MINDY4: variants seen among roughly 807,000 people sequenced by gnomAD.
MINDY4 encodes probable ubiquitin carboxyl-terminal hydrolase MINDY-4.
Under a neutral mutation model 87.0 loss-of-function variants are expected in MINDY4, and 68 were observed. That is an observed-to-expected ratio of 0.78 (90% CI 0.64 to 0.96). MINDY4 has a LOEUF of 0.96. Ranked by LOEUF, MINDY4 falls within the 40% of genes least tolerant of loss-of-function variation. The pLI, the probability that MINDY4 is intolerant of heterozygous loss-of-function variation, is 0.00. For missense variants in MINDY4, 919 were observed against 928.2 expected, an observed-to-expected ratio of 0.99 and a Z score of 0.13; for synonymous variants, 379 against 363.2, an observed-to-expected ratio of 1.04 and a Z score of -0.50.
At position 30,836,370 on chromosome 7, in the gene MINDY4, G is replaced by T. The variant is rs145176048; in HGVS notation, c.1133-288G>T. On this transcript the variant is annotated intron_variant, in intron 6 of 17. Transcript: ENST00000265299. ...CACTTGTTCCACTCTATGTCCATGC[G>T]TGGAACTTTCTAGTGGACCAGTAGC... 5.9e-5 allele frequency among the ~76,000 whole-genome samples: 9 copies of T among 152,290 alleles called. No homozygotes were observed. In the East Asian group the frequency reaches 1.4e-3, roughly 23 times the overall value.
At chr7:30,776,405 A>G (rs978602298) in intron 1 of MINDY4, among the ~76,000 whole-genome samples, 26 of 152,138 alleles carry the variant, frequency 1.7e-4, no homozygotes, top group African/African-American at 6.3e-4. Flanking sequence ...CTCATCAATC[A>G]ATGATGCCTT....
chr7:30,846,605 T>C (rs1789226352), intron 9 of MINDY4, among the ~76,000 whole-genome samples: 1 of 152,084 alleles, frequency 6.6e-6, no homozygotes, highest in Non-Finnish European at 1.5e-5. Flanking sequence ...GCCTGGGTGA[T>C]TCAGACGCAG....
intron 5 of MINDY4, among the ~76,000 whole-genome samples, chr7:30,802,725 G>A (rs997297997): frequency 6.6e-6 from 1 of 152,140 alleles, no homozygotes; most frequent in Non-Finnish European, 1.5e-5. Context: ...AATTTACTCA[G>A]TAATTTTTTT....
chr7:30,813,016 C>T lies in MINDY4; in HGVS notation c.1074-15663C>T, dbSNP rs73300094. 7.3e-3 allele frequency among the ~76,000 whole-genome samples: 1,114 copies of T among 152,320 alleles called. 15 individuals are homozygous for T. Among genetic ancestry groups the T allele is most frequent in the African/African-American group, 0.025 (1,053 of 41,558 alleles). On this transcript the variant is annotated intron_variant, in intron 5 of 17. Transcript: ENST00000265299. The stretch of plus-strand genomic sequence containing the variant: ...TGGGCCATTTCTCGCCCACACCATC[C>T]AGAAGGGGTTGCTGTCTGTAGGTAC...
chr7:30,774,762 C>T (rs184554810), intron 1 of MINDY4, among the ~76,000 whole-genome samples: 2 of 152,016 alleles, frequency 1.3e-5, no homozygotes, highest in Admixed American at 1.3e-4. Context: ...TCCTCCTACT[C>T]CTCTGGGTGC....
intron 6 of MINDY4, 62 bp from the exon 7 acceptor site, chr7:30,836,596 C>T (rs1788864893): frequency 3.0e-6 from 4 of 1,338,760 alleles, no homozygotes; most frequent in Non-Finnish European, 4.3e-6. Context: ...TGTTCAGTGA[C>T]TTCATGTTCT....
Position 30,828,751 on chromosome 7 carries a change from G to T in MINDY4, c.1132+14G>T, listed in dbSNP as rs759664489. On this transcript the variant is annotated intron_variant, in intron 6 of 17. Coordinates refer to ENST00000265299, the MANE Select transcript of MINDY4 (RefSeq NM_032222.3). Reference sequence around the variant, plus strand: ...CCCTGCGGCTCGGTAGGTGCAGCGGGTGCCTCTGTGCTGTGCCCATCAGGG... The same window carrying T: ...CCCTGCGGCTCGGTAGGTGCAGCGGTTGCCTCTGTGCTGTGCCCATCAGGG... 63 of 1,611,004 alleles carry T rather than the reference G, an allele frequency of 3.9e-5. No homozygotes were observed. Among genetic ancestry groups the T allele is most frequent in the Non-Finnish European group, 5.2e-5 (61 of 1,179,940 alleles).
intron 9 of MINDY4, among the ~76,000 whole-genome samples, chr7:30,845,602 C>T (rs1261647095): frequency 6.6e-6 from 1 of 151,922 alleles, no homozygotes; most frequent in Non-Finnish European, 1.5e-5. Context: ...ATCTGCTCTG[C>T]GGCTCTGGGG....
intron 5 of MINDY4, among the ~76,000 whole-genome samples, chr7:30,817,366 C>CT (rs572880227): frequency 0.19 from 21,925 of 114,058 alleles, 2,318 homozygotes; most frequent in African/African-American, 0.3. Flanking sequence ...TTGGGTTTGT[C>CT]TTTTTTTTTT....
chr7:30,870,854 GGT>G (rs1790081202), intron 13 of MINDY4, among the ~76,000 whole-genome samples: 1 of 152,234 alleles, frequency 6.6e-6, no homozygotes, highest in Non-Finnish European at 1.5e-5. Flanking sequence ...CTCTCTTTGG[GGT>G]GTGGTTGAAG....
intron 5 of MINDY4, among the ~76,000 whole-genome samples, chr7:30,801,091 C>T (rs1459463492): frequency 2.6e-5 from 4 of 152,230 alleles, no homozygotes; most frequent in East Asian, 3.9e-4. Flanking sequence ...GTGAAAGCCA[C>T]GGGCGCACAG....
At chr7:30,811,556 G>A (rs1057248973) in intron 5 of MINDY4, among the ~76,000 whole-genome samples, 22 of 152,166 alleles carry the variant, frequency 1.4e-4, no homozygotes, top group Admixed American at 1.3e-4. Context: ...TCTTATGCCC[G>A]ATTTCTGCTT....
At chr7:30,795,039 C>T (rs1443439004) in intron 5 of MINDY4, among the ~76,000 whole-genome samples, 1 of 152,164 alleles carries the variant, frequency 6.6e-6, no homozygotes, top group African/African-American at 2.4e-5. Flanking sequence ...CTTGGCTCCT[C>T]AGGGGCACTT....
In MINDY4 at chr7:30,782,064, C is replaced by G. The variant is rs747990847; in HGVS notation, c.271C>G (p.Gln91Glu). 3.7e-6 allele frequency: 6 copies of G among 1,614,084 alleles called. No individual in the cohort carries two copies. In the East Asian group the frequency reaches 1.1e-4, roughly 30 times the overall value. The stretch of plus-strand genomic sequence containing the variant: ...TGGAAATACGGCTAACAATTTCACT[C>G]AAGATACCCCAATCCCTGCACTCTC... ...HFGNTANNFT[Q>E]DTPIPALSVP... is the part of the protein sequence containing the mutation. Residue 91 changes from glutamine (Q) to glutamate (E), a missense_variant, in exon 3 of 18, where the codon CAA becomes GAA. By Grantham distance (29) the Gln-to-Glu change is conservative. Coordinates refer to ENST00000265299, the MANE Select transcript of MINDY4 (RefSeq NM_032222.3).
chr7:30,778,943 T>C (rs920851464), intron 2 of MINDY4, among the ~76,000 whole-genome samples: 1 of 152,234 alleles, frequency 6.6e-6, no homozygotes, highest in African/African-American at 2.4e-5. Flanking sequence ...AGAGTTTCCT[T>C]CTTCAGTTCT....
intron 5 of MINDY4, among the ~76,000 whole-genome samples, chr7:30,805,940 C>T (rs902337660): frequency 6.6e-6 from 1 of 152,138 alleles, no homozygotes; most frequent in Non-Finnish European, 1.5e-5. Flanking sequence ...AGGCAGGGTG[C>T]ACGGGCTTGG....
chr7:30,773,009 A>T (rs1159422722), intron 1 of MINDY4, among the ~76,000 whole-genome samples: 1 of 151,440 alleles, frequency 6.6e-6, no homozygotes, highest in East Asian at 1.9e-4. Flanking sequence ...GACATGGCCG[A>T]GTTCCCCTGG....
intron 5 of MINDY4, among the ~76,000 whole-genome samples, chr7:30,819,924 C>T (rs1426629011): frequency 6.9e-5 from 7 of 101,328 alleles, no homozygotes; most frequent in East Asian, 3.1e-4. Flanking sequence ...TTTTTTGAGA[C>T]GGAGTCTCGC....
chr7:30,772,968 C>T (rs575535945), intron 1 of MINDY4, among the ~76,000 whole-genome samples: 71 of 152,266 alleles, frequency 4.7e-4, no homozygotes, highest in African/African-American at 1.7e-3. Context: ...TTTCTAGCCT[C>T]TCCCACATCC....
Sources: gnomAD v4.1 joint callset for allele counts (sites outside exome capture counted in the v4.1 genomes callset) on GRCh38, gnomAD v4.1.1 for gene constraint, MANE v1.5 for transcripts, NCBI Gene and HGNC (gene_info 2026-07-23, HGNC 2026-07-21) for gene names.